The following ADAMTS14 variants were observed in gnomAD, a reference collection of about 807,000 sequenced individuals.
The protein encoded by ADAMTS14 is A disintegrin and metalloproteinase with thrombospondin motifs 14.
Under a neutral mutation model 128.6 loss-of-function variants are expected in ADAMTS14, and 100 were observed. The observed-to-expected ratio is 0.78, with a 90% confidence interval of 0.66 to 0.92. The LOEUF is 0.92. Ranked by LOEUF, ADAMTS14 falls within the 40% of genes least tolerant of loss-of-function variation. The pLI, the probability that ADAMTS14 is intolerant of heterozygous loss-of-function variation, is 0.00. For synonymous variants in ADAMTS14, 665 were observed against 653.8 expected, an observed-to-expected ratio of 1.02 and a Z score of -0.26; for missense variants, 1,562 against 1,658.6, an observed-to-expected ratio of 0.94 and a Z score of 1.01.
intron 4 of ADAMTS14, among the ~76,000 whole-genome samples, chr10:70,727,252 A>C (rs1330889897): frequency 6.6e-6 from 1 of 152,164 alleles, no homozygotes; most frequent in Non-Finnish European, 1.5e-5. Context: ...CAAAGCGTAC[A>C]TCTCCTGTTC....
Position 70,702,332 on chromosome 10 carries a change from C to G in ADAMTS14, c.543C>G (p.Asp181Glu). The stretch of plus-strand genomic sequence containing the variant: ...TTCAGGCGGGCCTCATCCGCACAGA[C>G]AGCACCGACTTCTTCATTGAGCCTC... ...CDGLAGLIRT[D>E]STDFFIEPLE... Residue 181 changes from aspartate (D) to glutamate (E), a missense_variant, in exon 3 of 22, where the codon GAC becomes GAG. Coordinates refer to ENST00000373207, the MANE Select transcript of ADAMTS14 (RefSeq NM_080722.4). The G allele has an allele frequency of 6.2e-7, 1 of 1,614,210 alleles. No homozygotes were observed. Among genetic ancestry groups the G allele is most frequent in the Non-Finnish European group, 8.5e-7 (1 of 1,180,050 alleles).
chr10:70,714,938 T>G lies in ADAMTS14; in HGVS notation c.870+6160T>G, dbSNP rs146418469. Among the ~76,000 whole-genome samples, 865 of 111,962 alleles carry G rather than the reference T, an allele frequency of 7.7e-3. 8 individuals carry two copies. The highest frequency in any genetic ancestry group is 0.028 in the African/African-American group (785 of 28,022). 73.5% of individuals were successfully genotyped at this position (111,962 alleles called of 152,430 possible). A position where few individuals can be genotyped will look rare whatever the true frequency, so the allele number is the denominator to read the frequency against. On this transcript the variant is annotated intron_variant, in intron 4 of 21. Transcript: ENST00000373207. ...TCCAGCCTGGGCCACAGAGGGAGAC[T>G]GCAGTCTCAAAAAAAAAAAAAAAAA...
chr10:70,729,325 G>A lies in ADAMTS14; in HGVS notation c.902G>A (p.Gly301Glu). 1 of 1,613,908 alleles carries A rather than the reference G, an allele frequency of 6.2e-7. No homozygotes were observed. The highest frequency in any genetic ancestry group is 8.5e-7 in the Non-Finnish European group (1 of 1,179,948). ...VDEIYHDESL[G>E]VHINIALVRL... ...GAGATTTACCACGATGAGTCCCTGG[G>A]GGTTCATATAAATATTGCCCTCGTC... is the stretch of plus-strand genomic sequence containing the variant. The change falls in exon 5 of 22, where the codon GGG becomes GAG. Residue 301 changes from glycine (G) to glutamate (E), a missense_variant. By Grantham distance (98) the Gly-to-Glu change is moderately conservative. Coordinates refer to ENST00000373207, the MANE Select transcript of ADAMTS14 (RefSeq NM_080722.4).
intron 16 of ADAMTS14, among the ~76,000 whole-genome samples, chr10:70,750,560 G>A (rs2132737821): frequency 6.6e-6 from 1 of 152,332 alleles, no homozygotes; most frequent in South Asian, 2.1e-4. Flanking sequence ...GGTTACCTTG[G>A]ATGGGCTTTG....
At chr10:70,683,809 G>C (rs1839881570) in intron 2 of ADAMTS14, among the ~76,000 whole-genome samples, 1 of 152,154 alleles carries the variant, frequency 6.6e-6, no homozygotes, top group African/African-American at 2.4e-5. Context: ...CATGGTGCTG[G>C]CTGTAGGCCG....
In ADAMTS14 at chr10:70,737,812, C is replaced by T. The variant is rs1204563801; in HGVS notation, c.1599+1019C>T. ...CTCTATCTGGGCTGCATATTGGAAT[C>T]ATCCTGGTAGTTTTAAAACCCCTCC... On this transcript the variant is annotated intron_variant, in intron 10 of 21. Coordinates refer to ENST00000373207, the MANE Select transcript of ADAMTS14 (RefSeq NM_080722.4). Among the ~76,000 whole-genome samples the T allele has an allele frequency of 2.0e-5, 3 of 152,294 alleles. No individual in the cohort carries two copies. The East Asian group carries it at 5.8e-4, about 29-fold the overall frequency.
At chr10:70,754,436 G>A (rs1006639841) in intron 19 of ADAMTS14, among the ~76,000 whole-genome samples, 1 of 152,208 alleles carries the variant, frequency 6.6e-6, no homozygotes, top group African/African-American at 2.4e-5. Context: ...CCACAGCCAA[G>A]CACTGACAGA....
chr10:70,754,029 G>A, intron 19 of ADAMTS14, 22 bp downstream of exon 19: 1 of 1,524,900 alleles, frequency 6.6e-7, no homozygotes, highest in Non-Finnish European at 8.8e-7. Context: ...TCAGGAGGTG[G>A]GAGGGGCTTG....
chr10:70,717,299 G>C (rs1255585861), intron 4 of ADAMTS14, among the ~76,000 whole-genome samples: 1 of 152,162 alleles, frequency 6.6e-6, no homozygotes, highest in East Asian at 1.9e-4. Flanking sequence ...GAGGAGGGCT[G>C]TCTACAGGGG....
chr10:70,757,019 A>T (rs147059572), intron 19 of ADAMTS14, among the ~76,000 whole-genome samples: 1 of 149,612 alleles, frequency 6.7e-6, no homozygotes, highest in African/African-American at 2.5e-5. Context: ...TGGCCCCATG[A>T]CCCTTGTGTC....
chr10:70,680,489 G>A (rs966715169), intron 2 of ADAMTS14, among the ~76,000 whole-genome samples: 6 of 152,218 alleles, frequency 3.9e-5, no homozygotes, highest in African/African-American at 7.2e-5. Context: ...GGTGGTGTTC[G>A]TAATTCCAAG....
intron 8 of ADAMTS14, among the ~76,000 whole-genome samples, chr10:70,734,692 G>A (rs1194675658): frequency 6.6e-6 from 1 of 152,208 alleles, no homozygotes; most frequent in Admixed American, 6.5e-5. Flanking sequence ...GAGGCCAAGT[G>A]GATTTGGATG....
At chr10:70,751,299 A>G (rs767363674) in intron 16 of ADAMTS14, among the ~76,000 whole-genome samples, 179 bp from the exon 17 acceptor site, 8 of 152,098 alleles carry the variant, frequency 5.3e-5, no homozygotes, top group Non-Finnish European at 1.0e-4. Flanking sequence ...AGTTTGTCCT[A>G]TGGCAGCTGG....
intron 19 of ADAMTS14, among the ~76,000 whole-genome samples, chr10:70,755,114 T>C (rs527902033): frequency 3.8e-4 from 58 of 152,136 alleles, no homozygotes; most frequent in Non-Finnish European, 6.8e-4. Context: ...GAGACCAGCC[T>C]GGGCAACAGA....
intron 2 of ADAMTS14, among the ~76,000 whole-genome samples, chr10:70,692,718 C>T (rs898009972): frequency 2.0e-5 from 3 of 152,176 alleles, no homozygotes; most frequent in Non-Finnish European, 4.4e-5. Flanking sequence ...CTAACAGCTG[C>T]GTATGTTTCT....
chr10:70,718,162 G>A (rs1841115568), intron 4 of ADAMTS14, among the ~76,000 whole-genome samples: 1 of 152,180 alleles, frequency 6.6e-6, no homozygotes, highest in South Asian at 2.1e-4. Context: ...TGCTGACGGA[G>A]AGTGTGGCTT....
chr10:70,689,938 G>A (rs554719896), intron 2 of ADAMTS14, among the ~76,000 whole-genome samples: 11 of 144,934 alleles, frequency 7.6e-5, no homozygotes, highest in African/African-American at 2.4e-4. Context: ...ACAATTTCCA[G>A]CTCCAGTCCT....
At position 70,734,108 on chromosome 10, in the gene ADAMTS14, G is replaced by A. The variant is rs1191604240; in HGVS notation, c.1352+80G>A. 2.0e-5 allele frequency: 31 copies of A among 1,547,600 alleles called. No individual in the cohort carries two copies. In the East Asian group the frequency reaches 6.6e-4, roughly 33 times the overall value. ...TGAGCAGACATCACACAGCTGGCTGGCTTCCCCACGTTGCCCCTGGCTTGA... is the reference window on the plus strand; with the variant it reads ...TGAGCAGACATCACACAGCTGGCTGACTTCCCCACGTTGCCCCTGGCTTGA... On this transcript the variant is annotated intron_variant, in intron 8 of 21. Transcript: ENST00000373207.
In ADAMTS14 at chr10:70,744,061, C is replaced by T; in HGVS notation, c.2059-5C>T. 2 of 1,559,966 alleles carry T rather than the reference C, an allele frequency of 1.3e-6. No individual in the cohort carries two copies. The highest frequency in any genetic ancestry group is 1.7e-6 in the Non-Finnish European group (2 of 1,152,024). ...TCCTCCCACTGACCTCACCTCTGGC[C>T]TCAGCCTGTCGGCTGTGACAAGGAG... On this transcript the variant is annotated splice_region_variant and splice_polypyrimidine_tract_variant and intron_variant, in intron 13 of 21. Coordinates refer to ENST00000373207, the MANE Select transcript of ADAMTS14 (RefSeq NM_080722.4).
Sources: gnomAD v4.1 joint callset for allele counts (sites outside exome capture counted in the v4.1 genomes callset) on GRCh38, gnomAD v4.1.1 for gene constraint, MANE v1.5 for transcripts, NCBI Gene and HGNC (gene_info 2026-07-23, HGNC 2026-07-21) for gene names.